The following TMPRSS11D variants were observed in gnomAD, a reference collection of about 807,000 sequenced individuals.
TMPRSS11D encodes the protein transmembrane serine protease 11D, also known as transmembrane protease serine 11D.
Under a neutral mutation model 44.4 loss-of-function variants are expected in TMPRSS11D, and 32 were observed. The ratio of observed to expected loss-of-function variants is 0.72; its 90% CI spans 0.54 to 0.97. The LOEUF is 0.97. TMPRSS11D is among the 50% of genes least tolerant of loss of function. The pLI is 0.00. For synonymous variants in TMPRSS11D, 179 were observed against 177.9 expected, an observed-to-expected ratio of 1.01 and a Z score of -0.05; for missense variants, 446 against 502.6, an observed-to-expected ratio of 0.89 and a Z score of 1.08.
intron 1 of TMPRSS11D, among the ~76,000 whole-genome samples, chr4:67,877,055 G>A (rs1041703670): frequency 1.4e-4 from 22 of 152,244 alleles, no homozygotes; most frequent in African/African-American, 5.3e-4. Flanking sequence ...AAACAAGACT[G>A]GCTGCTGAGG....
intron 2 of TMPRSS11D, among the ~76,000 whole-genome samples, chr4:67,858,023 G>A (rs577525190): frequency 1.1e-4 from 16 of 152,132 alleles, no homozygotes; most frequent in African/African-American, 3.6e-4. Flanking sequence ...AAACAACAAC[G>A]ACAACAGGGG....
At chr4:67,875,820 T>G (rs571642016) in intron 1 of TMPRSS11D, among the ~76,000 whole-genome samples, 1 of 152,332 alleles carries the variant, frequency 6.6e-6, no homozygotes, top group East Asian at 1.9e-4. Flanking sequence ...CCTATGTCAG[T>G]GGTTGGTAAA....
chr4:67,848,339 G>T (rs1250327242), intron 3 of TMPRSS11D, among the ~76,000 whole-genome samples: 3 of 152,090 alleles, frequency 2.0e-5, no homozygotes, highest in Non-Finnish European at 4.4e-5. Context: ...TTGTAAACAG[G>T]TACTTTCGTT....
rs553354942 is a variant in TMPRSS11D at position 67,837,059 on chromosome 4, A to T, written c.475+1113T>A. ...GGGCCCTTGATCATATTCTATCTTGATTGTCAACACTCTTGTGTTGGAATA... is the reference window on the plus strand; with the variant it reads ...GGGCCCTTGATCATATTCTATCTTGTTTGTCAACACTCTTGTGTTGGAATA... On this transcript the variant is annotated intron_variant, in intron 5 of 9. Coordinates refer to ENST00000283916, the MANE Select transcript of TMPRSS11D (RefSeq NM_004262.3). 7.4e-4 allele frequency among the ~76,000 whole-genome samples: 113 copies of T among 152,128 alleles called. 1 individual carries two copies. Among genetic ancestry groups the T allele is most frequent in the Non-Finnish European group, 1.3e-3 (89 of 67,994 alleles).
At position 67,835,083 on chromosome 4, in the gene TMPRSS11D, C is replaced by G. The variant is rs775641578; in HGVS notation, c.514G>C (p.Glu172Gln). 1 of 1,611,840 alleles carries G rather than the reference C, an allele frequency of 6.2e-7. No homozygotes were observed. The highest frequency in any genetic ancestry group is 8.5e-7 in the Non-Finnish European group (1 of 1,178,456). Residue 172 changes from glutamate to glutamine, a missense_variant and splice_region_variant, in exon 6 of 10, where the codon GAA (glutamate) becomes CAA (glutamine). By Grantham distance (29) the Glu-to-Gln change is conservative. Coordinates refer to ENST00000283916, the MANE Select transcript of TMPRSS11D (RefSeq NM_004262.3). ...DQAAANWLIN[E>Q]CGAGPDLITL... The stretch of plus-strand genomic sequence containing the variant: ...GTTACAAAATAATATTAAAACTTAC[C>G]ATTAATAAGCCAATTTGCTGCAGCC...
chr4:67,866,721 T>C (rs1718934257), intron 1 of TMPRSS11D, among the ~76,000 whole-genome samples: 1 of 151,858 alleles, frequency 6.6e-6, no homozygotes, highest in Non-Finnish European at 1.5e-5. Flanking sequence ...AATCAAGAAG[T>C]CAATCCTATT....
Position 67,877,676 on chromosome 4 carries a change from A to C in TMPRSS11D, c.8+6250T>G, listed in dbSNP as rs550265174. On this transcript the variant is annotated intron_variant, in intron 1 of 9. Transcript: ENST00000283916. ...CAGTAAATGATGCCAAAATTCACCA[A>C]GTTACTCATGTGAAAAACCTGAAAA... Among the ~76,000 whole-genome samples, 17 of 152,248 alleles carry C rather than the reference A, an allele frequency of 1.1e-4. No individual in the cohort carries two copies. The South Asian group carries it at 3.3e-3, about 30-fold the overall frequency.
intron 3 of TMPRSS11D, 81 bp downstream of exon 3, chr4:67,853,987 G>A (rs1259955668): frequency 2.3e-5 from 20 of 852,580 alleles, no homozygotes; most frequent in Admixed American, 1.1e-4. Flanking sequence ...CTTAGCAACT[G>A]AAAATATATT....
chr4:67,877,159 T>A (rs12651164), intron 1 of TMPRSS11D, among the ~76,000 whole-genome samples: 17,043 of 151,644 alleles, frequency 0.11, 1,210 homozygotes, highest in African/African-American at 0.2. Context: ...ATTAAAAAAA[T>A]TTTTTTTTAA....
At chr4:67,854,440 G>C (rs1319715361) in intron 2 of TMPRSS11D, among the ~76,000 whole-genome samples, 1 of 152,072 alleles carries the variant, frequency 6.6e-6, no homozygotes, top group Non-Finnish European at 1.5e-5. Context: ...AAAATTGTCA[G>C]AAATAGTATA....
At chr4:67,883,688 C>T (rs1182679863) in intron 1 of TMPRSS11D, among the ~76,000 whole-genome samples, 2 of 152,090 alleles carry the variant, frequency 1.3e-5, no homozygotes, top group Admixed American at 6.6e-5. Flanking sequence ...TGTCATAACG[C>T]TAAGCTAAGT....
chr4:67,855,048 A>G (rs1157950930), intron 2 of TMPRSS11D, among the ~76,000 whole-genome samples: 1 of 152,124 alleles, frequency 6.6e-6, no homozygotes, highest in Non-Finnish European at 1.5e-5. Flanking sequence ...CGAGGTCCGG[A>G]GTTCGAGACC....
intron 1 of TMPRSS11D, among the ~76,000 whole-genome samples, chr4:67,865,923 A>C (rs1718915194): frequency 6.6e-6 from 1 of 152,016 alleles, no homozygotes; most frequent in Non-Finnish European, 1.5e-5. Context: ...TGTATAAAGA[A>C]AAACTGATGC....
intron 7 of TMPRSS11D, among the ~76,000 whole-genome samples, chr4:67,831,767 A>G (rs1456108061): frequency 1.3e-5 from 2 of 152,164 alleles, no homozygotes; most frequent in African/African-American, 2.4e-5. Flanking sequence ...AAATTTGCCA[A>G]TCTACATCAG....
At chr4:67,869,944 C>CT (rs992777177) in intron 1 of TMPRSS11D, among the ~76,000 whole-genome samples, 1 of 152,032 alleles carries the variant, frequency 6.6e-6, no homozygotes, top group East Asian at 1.9e-4. Context: ...ATCTGTGCTC[C>CT]TTTTTTTAGC....
At chr4:67,869,586 G>T (rs969201643) in intron 1 of TMPRSS11D, among the ~76,000 whole-genome samples, 2 of 152,128 alleles carry the variant, frequency 1.3e-5, no homozygotes, top group Admixed American at 1.3e-4. Flanking sequence ...AGTGATTTAT[G>T]ACCGAGGGAA....
intron 1 of TMPRSS11D, among the ~76,000 whole-genome samples, chr4:67,870,237 A>G (rs1719023239): frequency 6.6e-6 from 1 of 152,220 alleles, no homozygotes. Context: ...GTACTGCATC[A>G]AGACACTACT....
At chr4:67,879,617 C>T (rs1348681665) in intron 1 of TMPRSS11D, among the ~76,000 whole-genome samples, 4 of 151,922 alleles carry the variant, frequency 2.6e-5, no homozygotes, top group Non-Finnish European at 4.4e-5. Context: ...GTGAAGATCA[C>T]GTTTCAAGAA....
At chr4:67,868,236 T>C (rs1222195206) in intron 1 of TMPRSS11D, among the ~76,000 whole-genome samples, 1 of 152,168 alleles carries the variant, frequency 6.6e-6, no homozygotes, top group East Asian at 1.9e-4. Flanking sequence ...TTCTCACTTA[T>C]ACATGGGAGC....
Sources: gnomAD v4.1 joint callset for allele counts (sites outside exome capture counted in the v4.1 genomes callset) on GRCh38, gnomAD v4.1.1 for gene constraint, MANE v1.5 for transcripts, NCBI Gene and HGNC (gene_info 2026-07-23, HGNC 2026-07-21) for gene names.